Variants in TMEM131 observed in about 807,000 individuals in gnomAD.
TMEM131 encodes 2610524E03Rik.
In TMEM131, 66 loss-of-function variants were observed where a neutral mutation model predicts 211.6. The ratio of observed to expected loss-of-function variants is 0.31; its 90% CI spans 0.26 to 0.38. The LOEUF (loss-of-function observed/expected upper bound fraction) is 0.38, where lower values mean the gene tolerates loss of function less well. TMEM131 is among the 10% of genes least tolerant of loss of function. The pLI is 1.00. For missense variants in TMEM131, 2,036 were observed against 2,299.3 expected (o/e 0.89, Z 2.34); for synonymous variants, 844 against 841.3 (o/e 1.00, Z -0.06).
chr2:97,796,448 T>A (rs1290825560), intron 27 of TMEM131, 44 bp from the exon 28 acceptor site: 5 of 1,235,574 alleles, frequency 4.0e-6, no homozygotes, highest in Middle Eastern at 1.9e-4. Flanking sequence ...CTTGCCATCA[T>A]GTGCTCCCAG....
chr2:97,779,793 T>G (rs1337249413), intron 31 of TMEM131, among the ~76,000 whole-genome samples: 3 of 152,072 alleles, frequency 2.0e-5, no homozygotes, highest in African/African-American at 7.2e-5. Context: ...AGCAGGAGGA[T>G]CACTTGAGGC....
At chr2:97,906,787 C>G (rs561136792) in intron 3 of TMEM131, among the ~76,000 whole-genome samples, 5 of 152,308 alleles carry the variant, frequency 3.3e-5, no homozygotes, top group Admixed American at 6.5e-5. Context: ...GCTGAGTCCC[C>G]AGATCATGGA....
chr2:97,826,472 G>A (rs766568557), intron 11 of TMEM131, among the ~76,000 whole-genome samples: 11 of 152,106 alleles, frequency 7.2e-5, no homozygotes, highest in Non-Finnish European at 1.2e-4. Context: ...TCACACCGCC[G>A]AAGCCATCAA....
At chr2:97,947,213 T>C (rs1678085075) in intron 1 of TMEM131, among the ~76,000 whole-genome samples, 1 of 151,798 alleles carries the variant, frequency 6.6e-6, no homozygotes, top group Admixed American at 6.6e-5. Flanking sequence ...TAAATGAAGG[T>C]AAGAGGGCAA....
chr2:97,796,469 A>ACACC, intron 27 of TMEM131, 65 bp from the exon 28 acceptor site: 1 of 994,506 alleles, frequency 1.0e-6, no homozygotes, highest in Non-Finnish European at 1.5e-6. Flanking sequence ...TCCAAATGAT[A>ACACC]AATACATTAT....
chr2:97,984,176 T>G (rs1679925128), intron 1 of TMEM131, among the ~76,000 whole-genome samples: 1 of 152,226 alleles, frequency 6.6e-6, no homozygotes. Context: ...ATACCAGTAC[T>G]TATTCTAATT....
Position 97,802,469 on chromosome 2 carries a change from T to C in TMEM131, c.2610A>G (p.Leu870=), listed in dbSNP as rs1480489095. The C allele has an allele frequency of 1.9e-6, 3 of 1,612,474 alleles. No individual in the cohort carries two copies. Among genetic ancestry groups the C allele is most frequent in the East Asian group, 2.2e-5 (1 of 44,792 alleles). The change falls in exon 24 of 41, where the codon TTA becomes TTG. Residue 870 remains leucine (L), a synonymous_variant. Coordinates refer to ENST00000186436, the MANE Select transcript of TMEM131 (RefSeq NM_015348.2). The part of the protein sequence containing the change: ...PVYVQFIPLA[L]YSNPSVFVDK... Reference sequence around the variant, plus strand: ...CTACAAACACTGAAGGGTTGGAATATAAAGCCAGAGGAATAAACTGAACAT... The same window carrying C: ...CTACAAACACTGAAGGGTTGGAATACAAAGCCAGAGGAATAAACTGAACAT...
intron 4 of TMEM131, among the ~76,000 whole-genome samples, chr2:97,885,396 A>G (rs1002759346): frequency 2.6e-4 from 37 of 144,758 alleles, no homozygotes; most frequent in African/African-American, 4.8e-4. Flanking sequence ...GGGTTTCACC[A>G]TGTTAGCCAG....
intron 11 of TMEM131, among the ~76,000 whole-genome samples, chr2:97,831,886 T>C (rs1441690984): frequency 6.6e-6 from 1 of 151,122 alleles, no homozygotes; most frequent in African/African-American, 2.4e-5. Context: ...AGTCTGGTCT[T>C]GAATTCCTGA....
chr2:97,832,719 G>A (rs17424787), intron 11 of TMEM131, among the ~76,000 whole-genome samples: 9,167 of 152,098 alleles, frequency 0.06, 563 homozygotes, highest in Non-Finnish European at 0.079. Flanking sequence ...TATATCTTGG[G>A]GACCTCATCA....
intron 36 of TMEM131, chr2:97,761,484 T>C (rs535602125): frequency 6.3e-6 from 1 of 159,400 alleles, no homozygotes; most frequent in East Asian, 1.9e-4. Flanking sequence ...TGCGGTACAC[T>C]GTGGCAGGCG....
chr2:97,932,246 G>A (rs146051845), intron 1 of TMEM131, among the ~76,000 whole-genome samples: 1 of 151,900 alleles, frequency 6.6e-6, no homozygotes, highest in East Asian at 1.9e-4. Flanking sequence ...TTTCAACAAA[G>A]GGCTCAATAG....
rs775664913 is a variant in TMEM131 at position 97,836,519 on chromosome 2, C to T, written c.804+558G>A. ...AATCTTTATAAATAAGGTTCTCTTA[C>T]ATATTCTTTAATTTGGTTAATATTG... On this transcript the variant is annotated intron_variant, in intron 8 of 40. Transcript: ENST00000186436. 7.5e-4 allele frequency among the ~76,000 whole-genome samples: 114 copies of T among 152,304 alleles called. 2 individuals carry two copies. The highest frequency in any genetic ancestry group is 3.4e-3 in the Middle Eastern group (1 of 294).
intron 1 of TMEM131, among the ~76,000 whole-genome samples, chr2:97,972,537 G>A (rs1409791393): frequency 5.3e-5 from 8 of 151,778 alleles, no homozygotes; most frequent in Admixed American, 1.3e-4. Flanking sequence ...GTCTTAGGCA[G>A]AGACCATTCT....
At chr2:97,769,055 G>A (rs941030132) in intron 33 of TMEM131, among the ~76,000 whole-genome samples, 5 of 149,746 alleles carry the variant, frequency 3.3e-5, no homozygotes, top group African/African-American at 7.3e-5. Context: ...CTCAACTCCT[G>A]AGTCTCTAAC....
intron 2 of TMEM131, among the ~76,000 whole-genome samples, chr2:97,916,583 T>A (rs1676516817): frequency 6.6e-6 from 1 of 152,148 alleles, no homozygotes; most frequent in Non-Finnish European, 1.5e-5. Context: ...TTAGTTGTAA[T>A]ATTGTAAAAC....
At chr2:97,781,180 C>T (rs1463254713) in intron 31 of TMEM131, among the ~76,000 whole-genome samples, 1 of 152,218 alleles carries the variant, frequency 6.6e-6, no homozygotes, top group African/African-American at 2.4e-5. Context: ...AGCCTAAGCA[C>T]CTAAGGGCAG....
rs748146925 is a variant in TMEM131 at position 97,811,190 on chromosome 2, G to A, written c.1906C>T (p.Leu636Phe). ...ATCCCCTCTAATTTTTTTGCAGTAA[G>A]TTTGACTCTGAAGACTGCAAAATAG... ...SGYFAVFRVK[L>F]TAKKLEGIHD... Residue 636 changes from leucine to phenylalanine, a missense_variant, in exon 18 of 41, where the codon CTT becomes TTT. Physicochemically the swap from Leu to Phe is conservative, Grantham distance 22. Transcript: ENST00000186436. The A allele has an allele frequency of 6.2e-7, 1 of 1,613,680 alleles. No homozygotes were observed. The highest frequency in any genetic ancestry group is 1.1e-5 in the South Asian group (1 of 91,080).
At chr2:97,842,838 T>A (rs1366861154) in intron 6 of TMEM131, among the ~76,000 whole-genome samples, 1 of 152,198 alleles carries the variant, frequency 6.6e-6, no homozygotes, top group African/African-American at 2.4e-5. Flanking sequence ...ATGATAGTCT[T>A]TTCATTTACT....
Sources: gnomAD v4.1 joint callset for allele counts (sites outside exome capture counted in the v4.1 genomes callset) on GRCh38, gnomAD v4.1.1 for gene constraint, MANE v1.5 for transcripts, NCBI Gene and HGNC (gene_info 2026-07-23, HGNC 2026-07-21) for gene names.